RIN3: variants seen among roughly 807,000 people sequenced by gnomAD.
RIN3 encodes RAB5 interacting protein 3.
Under a neutral mutation model 76.3 loss-of-function variants are expected in RIN3, and 54 were observed. That is an observed-to-expected ratio of 0.71 (90% CI 0.57 to 0.89). RIN3 has a LOEUF of 0.89. Among genes scored for constraint, RIN3 ranks in the 40% least tolerant of loss-of-function variants. RIN3 has a pLI of 0.00. For synonymous variants in RIN3, 576 were observed against 564.0 expected (o/e 1.02, Z -0.30); for missense variants, 1,256 against 1,322.1 (o/e 0.95, Z 0.78).
chr14:92,581,099 C>T (rs1351238751), intron 3 of RIN3, among the ~76,000 whole-genome samples: 4 of 152,218 alleles, frequency 2.6e-5, no homozygotes, highest in Non-Finnish European at 1.5e-5. Flanking sequence ...GCAGCACCCT[C>T]TGATGACAGC....
intron 3 of RIN3, among the ~76,000 whole-genome samples, chr14:92,596,355 T>C (rs1407415936): frequency 6.6e-6 from 1 of 152,208 alleles, no homozygotes; most frequent in Non-Finnish European, 1.5e-5. Flanking sequence ...GGCCCGTCTG[T>C]CTTCATAACG....
chr14:92,617,868 G>A (rs533281844), intron 4 of RIN3, among the ~76,000 whole-genome samples: 8 of 152,326 alleles, frequency 5.3e-5, no homozygotes, highest in Admixed American at 3.3e-4. Flanking sequence ...TTGTGTAACT[G>A]TAGCCTTTAC....
chr14:92,634,554 C>T (rs1181121868), intron 4 of RIN3, among the ~76,000 whole-genome samples: 2 of 152,120 alleles, frequency 1.3e-5, no homozygotes, highest in South Asian at 2.1e-4. Context: ...CCAGGATCCC[C>T]TCAGGAGCTG....
At chr14:92,520,458 C>T (rs1178579926) in intron 1 of RIN3, among the ~76,000 whole-genome samples, 4 of 152,198 alleles carry the variant, frequency 2.6e-5, no homozygotes, top group Non-Finnish European at 5.9e-5. Context: ...AAGGTGGCCT[C>T]CATTTTGCTA....
intron 8 of RIN3, among the ~76,000 whole-genome samples, chr14:92,678,356 A>G (rs1217621139): frequency 6.7e-6 from 1 of 149,818 alleles, no homozygotes; most frequent in Non-Finnish European, 1.5e-5. Context: ...ATATCCATCT[A>G]CCCATCCCCC....
At chr14:92,538,198 G>A (rs367770220) in intron 1 of RIN3, among the ~76,000 whole-genome samples, 15 of 151,836 alleles carry the variant, frequency 9.9e-5, no homozygotes, top group African/African-American at 3.4e-4. Flanking sequence ...TCAAACTCCT[G>A]ACCTAGGTGA....
Position 92,564,019 on chromosome 14 carries a change from C to T in RIN3, c.249+8064C>T, listed in dbSNP as rs149838225. Among the ~76,000 whole-genome samples, 1,035 of 152,324 alleles carry T rather than the reference C, an allele frequency of 6.8e-3. 13 individuals are homozygous for T. Among genetic ancestry groups the T allele is most frequent in the African/African-American group, 0.024 (980 of 41,570 alleles). On this transcript the variant is annotated intron_variant, in intron 2 of 9. Coordinates refer to ENST00000216487, the MANE Select transcript of RIN3 (RefSeq NM_024832.5). The stretch of plus-strand genomic sequence containing the variant: ...GGACTGTCAACCTCTGCAGGCACAA[C>T]CCCTGTGGACATAGCCTCTCAGAAG...
At chr14:92,684,919 G>A in intron 8 of RIN3, 68 bp from the exon 9 acceptor site, 9 of 1,539,130 alleles carry the variant, frequency 5.8e-6, no homozygotes, top group Non-Finnish European at 8.0e-6. Flanking sequence ...GGGTGGGGCA[G>A]GCCAAGCTCC....
intron 1 of RIN3, among the ~76,000 whole-genome samples, chr14:92,522,443 G>A (rs1435930914): frequency 3.9e-5 from 6 of 152,070 alleles, no homozygotes; most frequent in Non-Finnish European, 8.8e-5. Context: ...TTTATCACCC[G>A]GTGCAAGTAC....
intron 4 of RIN3, among the ~76,000 whole-genome samples, chr14:92,625,013 C>CTGGAA (rs1886305469): frequency 6.6e-6 from 1 of 152,192 alleles, no homozygotes; most frequent in African/African-American, 2.4e-5. Context: ...TGCTGATGGA[C>CTGGAA]TGGAAACTCA....
chr14:92,670,120 G>A (rs527651795), intron 7 of RIN3, among the ~76,000 whole-genome samples: 6 of 151,718 alleles, frequency 4.0e-5, no homozygotes, highest in Admixed American at 2.0e-4. Context: ...GCTGGAATTA[G>A]GGCCTTTCTA....
intron 4 of RIN3, among the ~76,000 whole-genome samples, chr14:92,634,068 C>CT (rs6145445): frequency 1.3e-3 from 142 of 108,110 alleles, no homozygotes; most frequent in East Asian, 4.1e-3. Context: ...CTAAAAATCC[C>CT]TTTTTTTTTT....
At chr14:92,586,502 G>A (rs1425049762) in intron 3 of RIN3, 2 of 152,158 alleles carry the variant, frequency 1.3e-5, no homozygotes, top group Non-Finnish European at 2.9e-5. Context: ...AATACATCAT[G>A]AGATAATTTA....
At chr14:92,550,950 C>T (rs1456068719) in intron 1 of RIN3, among the ~76,000 whole-genome samples, 2 of 152,086 alleles carry the variant, frequency 1.3e-5, no homozygotes, top group Non-Finnish European at 2.9e-5. Context: ...ACCCATACAC[C>T]CACAAGTAAC....
chr14:92,641,693 G>A (rs761684264), intron 5 of RIN3, among the ~76,000 whole-genome samples: 1 of 152,200 alleles, frequency 6.6e-6, no homozygotes, highest in Non-Finnish European at 1.5e-5. Context: ...GCCCCTCATC[G>A]GATGGAAAAG....
chr14:92,614,844 C>CTT lies in RIN3; in HGVS notation c.368-546_368-545dup, dbSNP rs71301939. On this transcript the variant is annotated intron_variant, in intron 3 of 9. Transcript: ENST00000216487. The stretch of plus-strand genomic sequence containing the variant: ...ATAAATTATCCAGTCTCTGGTATGT[C>CTT]TTTTTTTTTTTTTTTTTTGAGACAG... Among the ~76,000 whole-genome samples the CTT allele has an allele frequency of 6.1e-3, 721 of 118,172 alleles. 14 individuals are homozygous for CTT. The highest frequency in any genetic ancestry group is 0.039 in the East Asian group (160 of 4,060). 77.5% of individuals were successfully genotyped at this position (118,172 alleles called of 152,430 possible).
chr14:92,612,027 C>CT (rs1426684631), intron 3 of RIN3, among the ~76,000 whole-genome samples: 1 of 152,116 alleles, frequency 6.6e-6, no homozygotes, highest in Non-Finnish European at 1.5e-5. Context: ...CGTGAGAACT[C>CT]TATCAGAGAA....
intron 7 of RIN3, among the ~76,000 whole-genome samples, chr14:92,665,714 G>A (rs1595497417): frequency 6.9e-6 from 1 of 144,350 alleles, no homozygotes; most frequent in East Asian, 2.1e-4. Flanking sequence ...GTTTCTGAAG[G>A]ATACTGTTTT....
chr14:92,654,173 G>C (rs1241200459), intron 6 of RIN3, among the ~76,000 whole-genome samples: 2 of 152,078 alleles, frequency 1.3e-5, no homozygotes, highest in East Asian at 1.9e-4. Flanking sequence ...AATTAGCCAG[G>C]TGTGGTGGCG....
Sources: gnomAD v4.1 joint callset for allele counts (sites outside exome capture counted in the v4.1 genomes callset) on GRCh38, gnomAD v4.1.1 for gene constraint, MANE v1.5 for transcripts, NCBI Gene and HGNC (gene_info 2026-07-23, HGNC 2026-07-21) for gene names.